The following ARID2 variants were observed in gnomAD, a reference collection of about 807,000 sequenced individuals.
ARID2 encodes AT-rich interaction domain 2.
Under a neutral mutation model 184.6 loss-of-function variants are expected in ARID2, and 32 were observed. The ratio of observed to expected loss-of-function variants is 0.17; its 90% CI spans 0.13 to 0.23. The LOEUF is 0.23. Ranked by LOEUF, ARID2 falls within the 10% of genes least tolerant of loss-of-function variation. The probability of loss-of-function intolerance (pLI) is 1.00; values close to 1 mark genes in which losing one functional copy is unlikely to be tolerated. For synonymous variants in ARID2, 836 were observed against 772.6 expected, an observed-to-expected ratio of 1.08 and a Z score of -1.36; for missense variants, 1,696 against 2,197.6, an observed-to-expected ratio of 0.77 and a Z score of 4.56.
intron 10 of ARID2, among the ~76,000 whole-genome samples, chr12:45,837,933 A>G (rs1160690002): frequency 6.6e-6 from 1 of 152,092 alleles, no homozygotes; most frequent in Non-Finnish European, 1.5e-5. Flanking sequence ...TGTCTTGTTT[A>G]TTTTTTATTT....
intron 15 of ARID2, 125 bp downstream of exon 15, chr12:45,853,021 A>T: frequency 1.5e-6 from 2 of 1,334,034 alleles, no homozygotes; most frequent in Non-Finnish European, 1.9e-6. Flanking sequence ...ACTTGTATCC[A>T]ACCTGTCCTT....
intron 16 of ARID2, among the ~76,000 whole-genome samples, chr12:45,861,864 A>T (rs575728369): frequency 1.3e-5 from 2 of 152,138 alleles, no homozygotes; most frequent in African/African-American, 4.8e-5. Flanking sequence ...TAAGCTACTA[A>T]GCCCTGCCAG....
chr12:45,872,408 T>G (rs1291268599), intron 16 of ARID2, among the ~76,000 whole-genome samples: 1 of 152,248 alleles, frequency 6.6e-6, no homozygotes, highest in Non-Finnish European at 1.5e-5. Flanking sequence ...TTTTTGTTAT[T>G]GATTTCTCTA....
chr12:45,884,401 A>G (rs567746537), intron 16 of ARID2, among the ~76,000 whole-genome samples: 1 of 152,110 alleles, frequency 6.6e-6, no homozygotes, highest in East Asian at 1.9e-4. Context: ...GTCTCAAACA[A>G]ACAAACAAAC....
intron 3 of ARID2, among the ~76,000 whole-genome samples, chr12:45,788,462 A>T (rs1284222620): frequency 6.6e-6 from 1 of 152,184 alleles, no homozygotes; most frequent in Non-Finnish European, 1.5e-5. Context: ...TATGACCCTG[A>T]TGTATCTTTA....
chr12:45,758,351 T>C (rs567910778), intron 3 of ARID2, among the ~76,000 whole-genome samples: 4 of 152,242 alleles, frequency 2.6e-5, no homozygotes, highest in Admixed American at 2.6e-4. Context: ...TCTTAAAACA[T>C]TATGACATTT....
At chr12:45,844,059 G>T (rs777530939) in intron 11 of ARID2, among the ~76,000 whole-genome samples, 1 of 151,912 alleles carries the variant, frequency 6.6e-6, no homozygotes, top group Non-Finnish European at 1.5e-5. Flanking sequence ...TTGAGAAAGG[G>T]TCTCACTCGG....
Position 45,851,676 on chromosome 12 carries a change from G to A in ARID2, c.3553G>A (p.Ala1185Thr), listed in dbSNP as rs2138172850. 1.2e-6 allele frequency: 2 copies of A among 1,614,146 alleles called. No homozygotes were observed. The highest frequency in any genetic ancestry group is 1.7e-6 in the Non-Finnish European group (2 of 1,180,012). ...TVVPNTSFAP[A>T]TVSQGNATQL... ...TGTGCCAAATACGAGTTTTGCACCT[G>A]CAACTGTGAGTCAGGGAAATGCAAC... is the stretch of plus-strand genomic sequence containing the variant. The change falls in exon 15 of 21, where the codon GCA becomes ACA. Residue 1185 changes from alanine (A) to threonine (T), a missense_variant. By Grantham distance (58) the Ala-to-Thr change is moderately conservative. Around this residue, in one of 11 missense-constraint regions of ARID2, gnomAD observed 428 missense variants for 409.1 expected, o/e 1.05. Coordinates refer to ENST00000334344, the MANE Select transcript of ARID2 (RefSeq NM_152641.4).
chr12:45,906,621 A>C lies in ARID2; in HGVS notation c.*1543A>C. ...TTCTAAATTCAGCTGAAGGCAAGGT[A>C]TAACGGTCACCTACCTATTTGATTA... On this transcript the variant is annotated 3_prime_UTR_variant, in exon 21 of 21. Transcript: ENST00000334344. 1 of 232,464 alleles carries C rather than the reference A, an allele frequency of 4.3e-6. No individual in the cohort carries two copies. Among genetic ancestry groups the C allele is most frequent in the East Asian group, 6.1e-5 (1 of 16,356 alleles). 14.4% of individuals were successfully genotyped at this position (232,464 alleles called of 1,614,324 possible).
At chr12:45,759,957 T>C (rs1256181199) in intron 3 of ARID2, among the ~76,000 whole-genome samples, 1 of 152,216 alleles carries the variant, frequency 6.6e-6, no homozygotes, top group East Asian at 1.9e-4. Flanking sequence ...CTTAAGTATG[T>C]TTTAAATGAT....
chr12:45,903,263 A>G (rs1370093498), intron 20 of ARID2, among the ~76,000 whole-genome samples: 2 of 152,016 alleles, frequency 1.3e-5, no homozygotes, highest in African/African-American at 2.4e-5. Flanking sequence ...GTTATTTCCA[A>G]TTTGGGGCTA....
chr12:45,753,316 TC>T (rs1285525878), intron 3 of ARID2, among the ~76,000 whole-genome samples: 1 of 151,708 alleles, frequency 6.6e-6, no homozygotes, highest in Non-Finnish European at 1.5e-5. Context: ...AAAAAGTGTT[TC>T]CCCCCTCATG....
chr12:45,856,742 C>T (rs1250957045), intron 15 of ARID2, among the ~76,000 whole-genome samples: 2 of 151,964 alleles, frequency 1.3e-5, no homozygotes, highest in African/African-American at 4.8e-5. Flanking sequence ...AAAATAGCAA[C>T]AAGTAAAAAG....
intron 15 of ARID2, among the ~76,000 whole-genome samples, 163 bp downstream of exon 15, chr12:45,853,059 GT>G (rs1314174310): frequency 6.6e-6 from 1 of 152,154 alleles, no homozygotes; most frequent in Non-Finnish European, 1.5e-5. Flanking sequence ...TGTAATATTA[GT>G]TTTCAATTTT....
rs199620718 is a variant in ARID2 at position 45,850,308 on chromosome 12, C to G, written c.2185C>G (p.Pro729Ala). The G allele has an allele frequency of 4.3e-6, 7 of 1,613,952 alleles. No homozygotes were observed. The highest frequency in any genetic ancestry group is 5.9e-6 in the Non-Finnish European group (7 of 1,179,992). The change falls in exon 15 of 21, where the codon CCT becomes GCT. Residue 729 changes from proline (P) to alanine (A), a missense_variant. Pro to Ala is a conservative substitution (Grantham distance 27). This residue lies in a region of ARID2 where 713 missense variants were observed against 824.4 expected (regional missense o/e 0.86). Coordinates refer to ENST00000334344, the MANE Select transcript of ARID2 (RefSeq NM_152641.4). ...IQNSIPQTGVPVSIAVGGGPP... is the reference protein window; with the variant it reads ...IQNSIPQTGVAVSIAVGGGPP... Reference sequence around the variant, plus strand: ...GAATTCCATACCCCAGACAGGAGTTCCTGTTAGTATTGCTGTTGGAGGAGG... The same window carrying G: ...GAATTCCATACCCCAGACAGGAGTTGCTGTTAGTATTGCTGTTGGAGGAGG...
chr12:45,797,851 T>A (rs1942418995), intron 3 of ARID2, among the ~76,000 whole-genome samples: 1 of 152,002 alleles, frequency 6.6e-6, no homozygotes, highest in Non-Finnish European at 1.5e-5. Context: ...CTTCATTTTG[T>A]TTTAAATATT....
intron 3 of ARID2, among the ~76,000 whole-genome samples, chr12:45,753,634 G>A (rs971415739): frequency 6.6e-6 from 1 of 151,906 alleles, no homozygotes; most frequent in South Asian, 2.1e-4. Context: ...ACAAGGTCTC[G>A]CTCTGTCGCC....
In ARID2 at chr12:45,817,860, A is replaced by G. The variant is rs376103195; in HGVS notation, c.609A>G (p.Leu203=). Residue 203 remains leucine, a synonymous_variant, in exon 5 of 21, where the codon CTA becomes CTG. Transcript: ENST00000334344. ...LEKDPKIITL[L]LANAGVFDDT... ...AAGATCCTAAAATCATCACTTTACT[A>G]CTTGCTAATGCCGGGGTGTTTGACG... The G allele has an allele frequency of 5.6e-6, 9 of 1,612,806 alleles. No individual in the cohort carries two copies. The highest frequency in any genetic ancestry group is 1.6e-4 in the Middle Eastern group (1 of 6,074).
intron 3 of ARID2, among the ~76,000 whole-genome samples, chr12:45,761,880 A>AAC (rs2138010531): frequency 6.6e-6 from 1 of 152,194 alleles, no homozygotes; most frequent in South Asian, 2.1e-4. Flanking sequence ...ACCATATTTT[A>AAC]ACTAGCGCTT....
Sources: gnomAD v4.1 joint callset for allele counts (sites outside exome capture counted in the v4.1 genomes callset) on GRCh38, gnomAD v4.1.1 for gene constraint, gnomAD v4.1.1 regional missense constraint, MANE v1.5 for transcripts, NCBI Gene and HGNC (gene_info 2026-07-23, HGNC 2026-07-21) for gene names.